PDXDC1: variants seen among roughly 807,000 people sequenced by gnomAD.
PDXDC1 encodes pyridoxal dependent decarboxylase domain containing 1, also known as pyridoxal-dependent decarboxylase domain-containing protein 1.
A neutral mutation model predicts 100.1 loss-of-function variants in PDXDC1; 42 were observed. The ratio of observed to expected loss-of-function variants is 0.42; its 90% confidence interval spans 0.33 to 0.54. The LOEUF is 0.54. PDXDC1 is among the 20% of genes least tolerant of loss of function. The pLI, the probability that PDXDC1 is intolerant of heterozygous loss-of-function variation, is 0.10. For missense variants in PDXDC1, 636 were observed against 979.2 expected (o/e 0.65, Z 4.68); for synonymous variants, 260 against 371.7 (o/e 0.70, Z 3.46).
intron 16 of PDXDC1, among the ~76,000 whole-genome samples, chr16:15,086,964 T>C (rs937009025): frequency 2.0e-5 from 3 of 152,236 alleles, no homozygotes; most frequent in African/African-American, 7.2e-5. Flanking sequence ...GATTGTTCTG[T>C]ATAAATGATA....
At chr16:14,976,420 T>G (rs1283519466) in intron 1 of PDXDC1, among the ~76,000 whole-genome samples, 1 of 152,296 alleles carries the variant, frequency 6.6e-6, no homozygotes, top group African/African-American at 2.4e-5. Flanking sequence ...TGTCTTCATG[T>G]GCTCACAGTG....
intron 21 of PDXDC1, among the ~76,000 whole-genome samples, 154 bp from the exon 22 acceptor site, chr16:15,035,295 C>G (rs1183209307): frequency 6.6e-6 from 1 of 152,110 alleles, no homozygotes; most frequent in African/African-American, 2.4e-5. Context: ...CTCTAGCTCA[C>G]GGCACATTCA....
chr16:15,144,060 G>A (rs1196650765), downstream of PDXDC1, among the ~76,000 whole-genome samples: 1 of 152,178 alleles, frequency 6.6e-6, no homozygotes, highest in Non-Finnish European at 1.5e-5. Flanking sequence ...CCAGACCCAG[G>A]GAGGCCCCAT....
chr16:15,142,837 G>A (rs560992231), downstream of PDXDC1, among the ~76,000 whole-genome samples: 6 of 151,864 alleles, frequency 4.0e-5, no homozygotes, highest in Admixed American at 3.9e-4. Flanking sequence ...CTGCAAGGAT[G>A]GGGGACACAG....
Position 15,031,844 on chromosome 16 carries a change from G to T in PDXDC1, c.1509G>T (p.Val503=), listed in dbSNP as rs777478705. Residue 503 remains valine (V), a synonymous_variant, in exon 17 of 23, where the codon GTG becomes GTT. Coordinates refer to ENST00000396410, the MANE Select transcript of PDXDC1 (RefSeq NM_015027.4). ...TGCGTGAAGAGTTCAAGCAGGAAGT[G>T]GAAGCAACAGCAGGTCTCCTATATG... ...LQLREEFKQE[V]EATAGLLYVD... is the part of the protein sequence containing the mutation. 1.2e-6 allele frequency: 2 copies of T among 1,613,922 alleles called. No individual in the cohort carries two copies. The highest frequency in any genetic ancestry group is 1.7e-6 in the Non-Finnish European group (2 of 1,179,966).
downstream of PDXDC1, among the ~76,000 whole-genome samples, chr16:15,041,905 G>A (rs992667076): frequency 1.4e-4 from 22 of 152,196 alleles, no homozygotes; most frequent in African/African-American, 4.1e-4. Context: ...CAGGCCCGAA[G>A]GAGCCTGGGC....
At position 15,125,749 on chromosome 16, in the gene PDXDC1, C is replaced by G. The variant is rs759741083; in HGVS notation, c.1400-13130C>G. 1.4e-5 allele frequency: 21 copies of G among 1,502,662 alleles called. 1 individual carries two copies. The South Asian group carries it at 2.3e-4, about 16-fold the overall frequency. 93.1% of individuals were successfully genotyped at this position (1,502,662 alleles called of 1,614,324 possible). A position where few individuals can be genotyped will look rare whatever the true frequency, so the allele number is the denominator to read the frequency against. On this transcript the variant is annotated intron_variant, in intron 16 of 16. Transcript: ENST00000535621. ...GCTGTCCAGCACGGACGAGTCCAGG[C>G]AGCTGTCGATGTCCAGCACCTGCTG... is the stretch of plus-strand genomic sequence containing the variant.
intron 16 of PDXDC1, among the ~76,000 whole-genome samples, chr16:15,065,771 TA>T (rs1413728163): frequency 2.0e-5 from 3 of 152,064 alleles, no homozygotes; most frequent in Non-Finnish European, 4.4e-5. Flanking sequence ...AGGTTGGTGG[TA>T]AAGGGATTCA....
rs756947615 is a variant in PDXDC1 at position 15,033,370 on chromosome 16, A to T, written c.1783A>T (p.Thr595Ser). 1 of 1,614,160 alleles carries T rather than the reference A, an allele frequency of 6.2e-7. No individual in the cohort carries two copies. The highest frequency in any genetic ancestry group is 1.1e-5 in the South Asian group (1 of 91,086). ...TGAGCTCGTGGAGACCATTGCGGCC[A>T]CAGCCCGGGAGATAGAGGAGAACTC... ...AAELVETIAA[T>S]AREIEENSRL... is the part of the protein sequence containing the mutation. Residue 595 changes from threonine to serine, a missense_variant, in exon 19 of 23, where the codon ACA (threonine) becomes TCA (serine). Physicochemically the swap from Thr to Ser is moderately conservative, Grantham distance 58. This residue lies in a region of PDXDC1 where 452 missense variants were observed against 402.9 expected (regional missense o/e 1.12). Transcript: ENST00000396410.
At chr16:14,987,854 C>T (rs1431901231) in intron 1 of PDXDC1, among the ~76,000 whole-genome samples, 1 of 152,274 alleles carries the variant, frequency 6.6e-6, no homozygotes, top group Non-Finnish European at 1.5e-5. Context: ...TCAGGTGATC[C>T]ACCAACCTTG....
At chr16:15,087,125 C>A (rs1188320243) in intron 16 of PDXDC1, among the ~76,000 whole-genome samples, 1 of 152,024 alleles carries the variant, frequency 6.6e-6, no homozygotes, top group African/African-American at 2.4e-5. Flanking sequence ...TATATTCATG[C>A]ATATATACTG....
At chr16:15,022,307 C>A (rs1197580563) in intron 12 of PDXDC1, among the ~76,000 whole-genome samples, 1 of 152,274 alleles carries the variant, frequency 6.6e-6, no homozygotes, top group Non-Finnish European at 1.5e-5. Context: ...TATCCGTGGT[C>A]CTGCAGGTGA....
downstream of PDXDC1, among the ~76,000 whole-genome samples, chr16:15,142,703 G>C (rs1475724585): frequency 6.6e-6 from 1 of 152,102 alleles, no homozygotes; most frequent in African/African-American, 2.4e-5. Context: ...CGTTCTGGGG[G>C]AACGCCAAGG....
At chr16:15,089,364 T>C (rs2046028689) in intron 16 of PDXDC1, among the ~76,000 whole-genome samples, 1 of 151,770 alleles carries the variant, frequency 6.6e-6, no homozygotes, top group African/African-American at 2.4e-5. Context: ...CACAAATATA[T>C]TAGGACACAG....
chr16:15,035,994 A>G (rs1567736231), intron 22 of PDXDC1, 22 bp from the exon 23 acceptor site: 1 of 1,594,328 alleles, frequency 6.3e-7, no homozygotes, highest in Non-Finnish European at 8.5e-7. Flanking sequence ...GTTTCAGCGC[A>G]GTCTGTCTGC....
intron 16 of PDXDC1, chr16:15,059,995 A>G: frequency 7.6e-6 from 1 of 132,164 alleles, no homozygotes; most frequent in Non-Finnish European, 1.7e-5. Context: ...AATACATTAA[A>G]TTAAAAAAAA....
At chr16:15,062,994 C>T (rs1166996438) in intron 16 of PDXDC1, among the ~76,000 whole-genome samples, 4 of 152,174 alleles carry the variant, frequency 2.6e-5, no homozygotes, top group African/African-American at 9.7e-5. Flanking sequence ...CAGGTGTGCA[C>T]CACCACGCCC....
Position 15,036,295 on chromosome 16 carries a change from G to C in PDXDC1, c.*20G>C, listed in dbSNP as rs1398202183. ...AGATGAGACTCATTGTGTGGTTTGA[G>C]ACTGTACTGAGTATTGTTTCAGGGA... is the stretch of plus-strand genomic sequence containing the variant. On this transcript the variant is annotated 3_prime_UTR_variant, in exon 23 of 23. Transcript: ENST00000396410. 1 of 1,601,736 alleles carries C rather than the reference G, an allele frequency of 6.2e-7. No individual in the cohort carries two copies. The highest frequency in any genetic ancestry group is 8.5e-7 in the Non-Finnish European group (1 of 1,170,450).
intron 1 of PDXDC1, among the ~76,000 whole-genome samples, chr16:14,991,003 A>C (rs1279311091): frequency 4.6e-5 from 7 of 152,260 alleles, no homozygotes; most frequent in Non-Finnish European, 8.8e-5. Context: ...CGGCCTCCCA[A>C]CGTGCTGGGA....
Sources: allele counts gnomAD v4.1 joint callset (sites outside exome capture counted in the v4.1 genomes callset), GRCh38; gene constraint gnomAD v4.1.1; regional missense constraint gnomAD v4.1.1; transcripts MANE v1.5; gene names NCBI Gene and HGNC (gene_info 2026-07-23, HGNC 2026-07-21).